EBF3: variants seen among roughly 807,000 people sequenced by gnomAD.
The protein encoded by EBF3 is transcription factor COE3.
A neutral mutation model predicts 77.1 loss-of-function variants in EBF3; 18 were observed. The ratio of observed to expected loss-of-function variants is 0.23; its 90% CI spans 0.16 to 0.35. The LOEUF (loss-of-function observed/expected upper bound fraction) is 0.35. Among genes scored for constraint, EBF3 ranks in the 10% least tolerant of loss-of-function variants. The pLI is 1.00. For missense variants in EBF3, 558 were observed against 860.0 expected (o/e 0.65, Z 4.39); for synonymous variants, 350 against 343.5 (o/e 1.02, Z -0.21).
chr10:129,883,772 G>A (rs1352508030), intron 6 of EBF3, among the ~76,000 whole-genome samples: 2 of 152,056 alleles, frequency 1.3e-5, no homozygotes, highest in African/African-American at 4.8e-5. Context: ...GGGAGGATGG[G>A]GAACAGCTGC....
Position 129,944,183 on chromosome 10 carries a change from T to C in EBF3, c.554+13075A>G, listed in dbSNP as rs1055411324. Among the ~76,000 whole-genome samples the C allele has an allele frequency of 6.6e-6, 1 of 152,220 alleles. No individual in the cohort carries two copies. The highest frequency in any genetic ancestry group is 2.4e-5 in the African/African-American group (1 of 41,448). On this transcript the variant is annotated intron_variant, in intron 6 of 16. Coordinates refer to ENST00000440978, the MANE Select transcript of EBF3 (RefSeq NM_001375380.1). This position sits in a 1 kb window ranked among gnomAD's most constrained non-coding sequence, Gnocchi z 5.1. The stretch of plus-strand genomic sequence containing the variant: ...TCTTATACAACAAGAATAAAATCAA[T>C]TTGCAAGGCCGGTCCGGCATCCAGT...
At chr10:129,866,459 A>T (rs1370039243) in intron 10 of EBF3, among the ~76,000 whole-genome samples, 1 of 152,226 alleles carries the variant, frequency 6.6e-6, no homozygotes, top group Non-Finnish European at 1.5e-5. Flanking sequence ...AATCCCGAAC[A>T]AGTGGGGCTA....
chr10:129,887,090 T>C (rs1328443039), intron 6 of EBF3, among the ~76,000 whole-genome samples: 1 of 109,516 alleles, frequency 9.1e-6, no homozygotes, highest in Non-Finnish European at 1.8e-5. Flanking sequence ...GCATTTAGGA[T>C]GCTGAGAGTC....
intron 8 of EBF3, among the ~76,000 whole-genome samples, chr10:129,868,137 A>C (rs1222624399): frequency 6.6e-6 from 1 of 152,260 alleles, no homozygotes; most frequent in African/African-American, 2.4e-5. Context: ...GTGAGCGAGA[A>C]AAAAATGGCT....
intron 6 of EBF3, among the ~76,000 whole-genome samples, chr10:129,945,107 AAGGGGG>A (rs1858089043): frequency 1.9e-4 from 1 of 5,390 alleles, no homozygotes; most frequent in Non-Finnish European, 4.0e-4. Context: ...AGGGGAGGGG[AAGGGGG>A]GGGAGGTGAA....
chr10:129,937,503 C>A (rs1282897596), intron 6 of EBF3, among the ~76,000 whole-genome samples: 1 of 152,186 alleles, frequency 6.6e-6, no homozygotes, highest in Non-Finnish European at 1.5e-5. Flanking sequence ...CAAGCCCACA[C>A]AACCTGTGGG....
Position 129,962,240 on chromosome 10 carries a change from G to C in EBF3, c.356-14C>G, listed in dbSNP as rs1859579917. 9.9e-6 allele frequency: 16 copies of C among 1,613,836 alleles called. No individual in the cohort carries two copies. Among genetic ancestry groups the C allele is most frequent in the African/African-American group, 1.3e-5 (1 of 74,904 alleles). ...CTGTTCTGACTCCTGCAAAAAAACA[G>C]AGACAAATTCTCATCAGGATTTGAG... On this transcript the variant is annotated splice_polypyrimidine_tract_variant and intron_variant, in intron 3 of 16. Transcript: ENST00000440978.
rs1853548946 is a variant in EBF3 at position 129,885,976 on chromosome 10, G to A, written c.555-8127C>T. On this transcript the variant is annotated intron_variant, in intron 6 of 16. Coordinates refer to ENST00000440978, the MANE Select transcript of EBF3 (RefSeq NM_001375380.1). This position sits in a 1 kb window ranked among gnomAD's most constrained non-coding sequence, Gnocchi z 4.0. ...TCTTTCGCCATCCTGATTCCTGATG[G>A]CTGGGGAGGTCATTCTCAAAATAAA... Among the ~76,000 whole-genome samples, 2 of 151,854 alleles carry A rather than the reference G, an allele frequency of 1.3e-5. No homozygotes were observed. Among genetic ancestry groups the A allele is most frequent in the African/African-American group, 4.8e-5 (2 of 41,354 alleles).
At position 129,840,162 on chromosome 10, in the gene EBF3, GAA is replaced by G. The variant is rs1361665632; in HGVS notation, c.1759+81_1759+82del. 12 of 1,466,054 alleles carry G rather than the reference GAA, an allele frequency of 8.2e-6. No homozygotes were observed. The Admixed American group carries it at 2.7e-4, about 33-fold the overall frequency. 90.8% of individuals were successfully genotyped at this position (1,466,054 alleles called of 1,614,324 possible). ...TGCAGCAGTCACAGAGGTGCCAGGA[GAA>G]AGGCCGAGCCCCCACCCCCACTCCC... On this transcript the variant is annotated intron_variant, in intron 15 of 16. Coordinates refer to ENST00000440978, the MANE Select transcript of EBF3 (RefSeq NM_001375380.1).
intron 3 of EBF3, 109 bp from the exon 4 acceptor site, chr10:129,962,335 A>T: frequency 1.1e-6 from 1 of 934,068 alleles, no homozygotes; most frequent in Non-Finnish European, 1.7e-6. Context: ...ACGGTGATGC[A>T]GCAGAACTTA....
chr10:129,933,048 A>C (rs1857132307), intron 6 of EBF3, among the ~76,000 whole-genome samples: 1 of 152,108 alleles, frequency 6.6e-6, no homozygotes, highest in Non-Finnish European at 1.5e-5. Flanking sequence ...AATTATCATA[A>C]ATATAGAGAA....
At chr10:129,920,476 C>T (rs563143438) in intron 6 of EBF3, among the ~76,000 whole-genome samples, 4 of 152,224 alleles carry the variant, frequency 2.6e-5, no homozygotes, top group Non-Finnish European at 5.9e-5. Flanking sequence ...GCACAGCATA[C>T]CTGGAGCGAC....
chr10:129,835,389 G>A lies in EBF3; in HGVS notation c.*2554C>T, dbSNP rs1849561743. Reference sequence around the variant, plus strand: ...ACAGATAAAACAATCTTATTGTAGGGTCTTTAACAGTAAAATCTACCATTT... The same window carrying A: ...ACAGATAAAACAATCTTATTGTAGGATCTTTAACAGTAAAATCTACCATTT... On this transcript the variant is annotated 3_prime_UTR_variant, in exon 17 of 17. Coordinates refer to ENST00000440978, the MANE Select transcript of EBF3 (RefSeq NM_001375380.1). 6.6e-6 allele frequency: 1 copy of A among 152,268 alleles called. No individual in the cohort carries two copies. The highest frequency in any genetic ancestry group is 1.5e-5 in the Non-Finnish European group (1 of 68,016). 9.4% of individuals were successfully genotyped at this position (152,268 alleles called of 1,614,324 possible).
At chr10:129,896,876 C>T (rs1314462423) in intron 6 of EBF3, among the ~76,000 whole-genome samples, 1 of 152,212 alleles carries the variant, frequency 6.6e-6, no homozygotes, top group East Asian at 1.9e-4. Context: ...AGCAGAGGCT[C>T]AAACCGAGAG....
At chr10:129,960,471 G>A (rs1286849548) in intron 4 of EBF3, among the ~76,000 whole-genome samples, 1 of 152,254 alleles carries the variant, frequency 6.6e-6, no homozygotes, top group Non-Finnish European at 1.5e-5. Context: ...GCGCGTGGCC[G>A]CGGCGGGCAC....
chr10:129,871,973 A>G (rs1448853774), intron 8 of EBF3, among the ~76,000 whole-genome samples: 1 of 152,242 alleles, frequency 6.6e-6, no homozygotes, highest in Admixed American at 6.5e-5. Context: ...TTTATCTCCA[A>G]GGTACCCACT....
At chr10:129,957,856 T>C (rs1366363582) in intron 5 of EBF3, among the ~76,000 whole-genome samples, 1 of 152,250 alleles carries the variant, frequency 6.6e-6, no homozygotes, top group East Asian at 1.9e-4. Flanking sequence ...AAACTTTAAT[T>C]AAAGCAGAAA....
rs551775026 is a variant in EBF3 at position 129,915,542 on chromosome 10, G to A, written c.555-37693C>T. Among the ~76,000 whole-genome samples, 8 of 152,124 alleles carry A rather than the reference G, an allele frequency of 5.3e-5. No individual in the cohort carries two copies. In the South Asian group the frequency reaches 1.7e-3, roughly 32 times the overall value. The stretch of plus-strand genomic sequence containing the variant: ...GGGTGTTGCTACGAAGTGAGTCGGG[G>A]AGCCCATTCTTGCGGGGTGTGACGT... On this transcript the variant is annotated intron_variant, in intron 6 of 16. Transcript: ENST00000440978.
rs185441703 is a variant in EBF3 at position 129,944,356 on chromosome 10, T to C, written c.554+12902A>G. On this transcript the variant is annotated intron_variant, in intron 6 of 16. Coordinates refer to ENST00000440978, the MANE Select transcript of EBF3 (RefSeq NM_001375380.1). The surrounding 1 kb of genome is among the most constrained non-coding windows in gnomAD (Gnocchi z 5.1). ...AGGGAACATTTTTATTGTTAATCAA[T>C]GCCAATCAATTCTGAGCCTTGATGT... 1.5e-3 allele frequency among the ~76,000 whole-genome samples: 223 copies of C among 152,342 alleles called. No individual in the cohort carries two copies. Among genetic ancestry groups the C allele is most frequent in the Non-Finnish European group, 2.4e-3 (163 of 68,032 alleles).
Sources: allele counts gnomAD v4.1 joint callset (sites outside exome capture counted in the v4.1 genomes callset), GRCh38; gene constraint gnomAD v4.1.1; non-coding constraint Gnocchi (gnomAD v3.1); transcripts MANE v1.5; gene names NCBI Gene and HGNC (gene_info 2026-07-23, HGNC 2026-07-21).